Variants in CYP2A13 observed in about 807,000 individuals in gnomAD.
CYP2A13 encodes cytochrome P450 family 2 subfamily A member 13.
In CYP2A13, 30 loss-of-function variants were observed where a neutral mutation model predicts 39.4. The observed-to-expected ratio is 0.76, with a 90% CI of 0.57 to 1.03. The LOEUF (loss-of-function observed/expected upper bound fraction) is 1.03, where lower values mean the gene tolerates loss of function less well. Ranked by LOEUF, CYP2A13 falls within the 50% of genes least tolerant of loss-of-function variation. CYP2A13 has a pLI of 0.00. For synonymous variants in CYP2A13, 269 were observed against 254.7 expected, an observed-to-expected ratio of 1.06 and a Z score of -0.54; for missense variants, 731 against 648.4, an observed-to-expected ratio of 1.13 and a Z score of -1.38.
In CYP2A13 at chr19:41,090,530, G is replaced by T; in HGVS notation, c.620G>T (p.Gly207Val). The T allele has an allele frequency of 6.2e-7, 1 of 1,614,130 alleles. No homozygotes were observed. The highest frequency in any genetic ancestry group is 8.5e-7 in the Non-Finnish European group (1 of 1,180,004). The change falls in exon 4 of 9, where the codon GGA (glycine) becomes GTA (valine). Residue 207 changes from glycine to valine, a missense_variant. Gly to Val is a moderately radical substitution (Grantham distance 109). Transcript: ENST00000330436. ...CTGTCACTGTTGCGCATGATGCTGG[G>T]AAGCTTCCAGTTCACGGCAACCTCC... ...EFLSLLRMML[G>V]SFQFTATSTG...
At chr19:41,088,841 C>A in intron 1 of CYP2A13, 88 bp from the exon 2 acceptor site, 1 of 1,564,800 alleles carries the variant, frequency 6.4e-7, no homozygotes, top group Non-Finnish European at 8.7e-7. Context: ...AACCTGGGGG[C>A]GAAGCATCCC....
At position 41,092,312 on chromosome 19, in the gene CYP2A13, TAAAAAAAAAAA is replaced by T. The variant is rs529985444; in HGVS notation, c.831+425_831+435del. Among the ~76,000 whole-genome samples, 27 of 53,796 alleles carry T rather than the reference TAAAAAAAAAAA, an allele frequency of 5.0e-4. 1 individual carries two copies. Among genetic ancestry groups the T allele is most frequent in the East Asian group, 1.3e-3 (2 of 1,486 alleles). The allele number at this position is 53,796 out of a possible 152,430, so 35.3% of individuals were successfully genotyped here. A position where few individuals can be genotyped will look rare whatever the true frequency, so the allele number is the denominator to read the frequency against. On this transcript the variant is annotated intron_variant, in intron 5 of 8. Transcript: ENST00000330436. ...GCCTGAGTGACAGAGCAAGACCCTGTAAAAAAAAAAAAAAAAAAAAAAAAAAAAAAATCCTG... is the reference window on the plus strand; with the variant it reads ...GCCTGAGTGACAGAGCAAGACCCTGTAAAAAAAAAAAAAAAAAAAATCCTG...
rs559004728 is a variant in CYP2A13 at position 41,096,073 on chromosome 19, A to C, written c.*132A>C. The C allele has an allele frequency of 2.9e-4, 366 of 1,280,352 alleles. No homozygotes were observed. Among genetic ancestry groups the C allele is most frequent in the Admixed American group, 2.3e-3 (97 of 42,998 alleles). The allele number at this position is 1,280,352 out of a possible 1,614,324, so 79.3% of individuals were successfully genotyped here. A position where few individuals can be genotyped will look rare whatever the true frequency, so the allele number is the denominator to read the frequency against. ...AGGAAGGGGAGAGGTGGTTAGAGGG[A>C]ACAGAAGAAACAGAAGGGGCTCAGT... On this transcript the variant is annotated 3_prime_UTR_variant, in exon 9 of 9. Coordinates refer to ENST00000330436, the MANE Select transcript of CYP2A13 (RefSeq NM_000766.5).
rs753393303 is a variant in CYP2A13 at position 41,091,820 on chromosome 19, T to C, written c.743T>C (p.Ile248Thr). The C allele has an allele frequency of 6.2e-7, 1 of 1,614,164 alleles. No individual in the cohort carries two copies. The highest frequency in any genetic ancestry group is 1.7e-5 in the Admixed American group (1 of 60,024). Residue 248 changes from isoleucine (I) to threonine (T), a missense_variant, in exon 5 of 9, where the codon ATC (isoleucine) becomes ACC (threonine). Coordinates refer to ENST00000330436, the MANE Select transcript of CYP2A13 (RefSeq NM_000766.5). ...GAGCTGCAAGGGCTGGAGGACTTCATCGCCAAGAAGGTGGAGCACAACCAG... is the reference window on the plus strand; with the variant it reads ...GAGCTGCAAGGGCTGGAGGACTTCACCGCCAAGAAGGTGGAGCACAACCAG... ...FKELQGLEDF[I>T]AKKVEHNQRT...
intron 6 of CYP2A13, 134 bp downstream of exon 6, chr19:41,093,905 C>T: frequency 1.9e-6 from 2 of 1,078,780 alleles, no homozygotes; most frequent in Non-Finnish European, 2.7e-6. Flanking sequence ...GGACAATATT[C>T]AGCTGATAGG....
Position 41,088,637 on chromosome 19 carries a change from A to G in CYP2A13, c.166A>G (p.Asn56Asp), listed in dbSNP as rs2031093931. Residue 56 changes from asparagine (N) to aspartate (D), a missense_variant, in exon 1 of 9, where the codon AAC becomes GAC. Coordinates refer to ENST00000330436, the MANE Select transcript of CYP2A13 (RefSeq NM_000766.5). The stretch of plus-strand genomic sequence containing the variant: ...GCAGCTGAACACAGAGCAGATGTAC[A>G]ACTCCCTCATGAAGGTGTCCTAAGG... Reference protein sequence around the residue: ...YLQLNTEQMYNSLMKISERYG... With the variant: ...YLQLNTEQMYDSLMKISERYG... 2.5e-6 allele frequency: 4 copies of G among 1,613,760 alleles called. No individual in the cohort carries two copies. Among genetic ancestry groups the G allele is most frequent in the African/African-American group, 2.7e-5 (2 of 75,026 alleles).
intron 5 of CYP2A13, 127 bp downstream of exon 5, chr19:41,092,035 C>G (rs2031202267): frequency 1.6e-5 from 23 of 1,407,560 alleles, no homozygotes; most frequent in African/African-American, 4.3e-5. Flanking sequence ...TTACAATTGG[C>G]CAGGCGCGGT....
At position 41,091,769 on chromosome 19, in the gene CYP2A13, C is replaced by T; in HGVS notation, c.692C>T (p.Pro231Leu). 1 of 1,614,040 alleles carries T rather than the reference C, an allele frequency of 6.2e-7. No individual in the cohort carries two copies. The highest frequency in any genetic ancestry group is 8.5e-7 in the Non-Finnish European group (1 of 1,179,906). Reference protein sequence around the residue: ...EMFSSVMKHLPGPQQQAFKEL... With the variant: ...EMFSSVMKHLLGPQQQAFKEL... ...TTCTCTTCGGTGATGAAACACCTGC[C>T]AGGACCACAGCAACAGGCCTTTAAG... The change falls in exon 5 of 9, where the codon CCA (proline) becomes CTA (leucine). Residue 231 changes from proline to leucine, a missense_variant. By Grantham distance (98) the Pro-to-Leu change is moderately conservative (BLOSUM62 -3). Transcript: ENST00000330436.
intron 3 of CYP2A13, 75 bp from the exon 4 acceptor site, chr19:41,090,329 C>G: frequency 1.2e-6 from 2 of 1,604,104 alleles, no homozygotes; most frequent in Non-Finnish European, 1.7e-6. Context: ...AGGGCCCTGC[C>G]TCCTGGAATT....
chr19:41,091,896 C>T lies in CYP2A13; in HGVS notation c.819C>T (p.Ile273=). Reference sequence around the variant, plus strand: ...GGGACTTCATCGACTCCTTTCTCATCCGCATGCAGGAGGTACATCCCAGCA... The same window carrying T: ...GGGACTTCATCGACTCCTTTCTCATTCGCATGCAGGAGGTACATCCCAGCA... ...SPRDFIDSFL[I]RMQEEEKNPN... Residue 273 remains isoleucine, a synonymous_variant, in exon 5 of 9, where the codon ATC becomes ATT. Coordinates refer to ENST00000330436, the MANE Select transcript of CYP2A13 (RefSeq NM_000766.5). 1.2e-6 allele frequency: 2 copies of T among 1,614,226 alleles called. No homozygotes were observed. The highest frequency in any genetic ancestry group is 2.2e-5 in the South Asian group (2 of 91,080).
chr19:41,094,903 C>T (rs1645694), intron 7 of CYP2A13, 56 bp from the exon 8 acceptor site: 63,480 of 1,602,866 alleles, frequency 0.04, 5,707 homozygotes, highest in African/African-American at 0.35. Context: ...CCCCTGTGTA[C>T]TTTCACCAAT....
chr19:41,096,077 G>C lies in CYP2A13; in HGVS notation c.*136G>C. ...AGGGGAGAGGTGGTTAGAGGGAACA[G>C]AAGAAACAGAAGGGGCTCAGTTCAC... On this transcript the variant is annotated 3_prime_UTR_variant, in exon 9 of 9. Transcript: ENST00000330436. 1 of 1,296,440 alleles carries C rather than the reference G, an allele frequency of 7.7e-7. No homozygotes were observed. The highest frequency in any genetic ancestry group is 1.1e-6 in the Non-Finnish European group (1 of 942,908). 80.3% of individuals were successfully genotyped at this position (1,296,440 alleles called of 1,614,324 possible).
At chr19:41,094,769 GTCTCCCAAAC>G (rs1454424951) in intron 7 of CYP2A13, among the ~76,000 whole-genome samples, 180 bp from the exon 8 acceptor site, 2 of 151,960 alleles carry the variant, frequency 1.3e-5, no homozygotes, top group Non-Finnish European at 2.9e-5. Context: ...TGGACCCCAT[GTCTCCCAAAC>G]TTCCTGTTTC....
intron 4 of CYP2A13, 35 bp from the exon 5 acceptor site, chr19:41,091,697 G>C (rs531164019): frequency 6.2e-7 from 1 of 1,610,154 alleles, no homozygotes; most frequent in African/African-American, 1.3e-5. Flanking sequence ...CGTGACAGCT[G>C]TCCTTCCCTT....
At chr19:41,094,532 C>A in intron 7 of CYP2A13, 100 bp downstream of exon 7, 1 of 1,366,820 alleles carries the variant, frequency 7.3e-7, no homozygotes, top group Non-Finnish European at 1.0e-6. Flanking sequence ...TAGACTCTGT[C>A]CCACTCCCTC....
At chr19:41,092,944 A>G (rs1358253562) in intron 5 of CYP2A13, among the ~76,000 whole-genome samples, 2 of 152,236 alleles carry the variant, frequency 1.3e-5, no homozygotes, top group East Asian at 3.9e-4. Flanking sequence ...TCATCTTGCC[A>G]TCTCTGTACT....
At chr19:41,088,815 G>A (rs562298569) in intron 1 of CYP2A13, 114 bp from the exon 2 acceptor site, 2 of 1,549,522 alleles carry the variant, frequency 1.3e-6, no homozygotes, top group East Asian at 4.5e-5. Context: ...GGGATGTCCA[G>A]CTCCCTGACT....
intron 3 of CYP2A13, 43 bp downstream of exon 3, chr19:41,090,239 T>A: frequency 6.5e-7 from 1 of 1,547,926 alleles, no homozygotes; most frequent in Non-Finnish European, 8.7e-7. Context: ...ACCCGCGCTT[T>A]CTGCCTGGGG....
intron 8 of CYP2A13, among the ~76,000 whole-genome samples, chr19:41,095,369 A>G (rs139836899): frequency 6.6e-6 from 1 of 152,282 alleles, no homozygotes; most frequent in African/African-American, 2.4e-5. Context: ...AAAGGAGATA[A>G]TGGCACAGCA....
Sources: allele counts gnomAD v4.1 joint callset (sites outside exome capture counted in the v4.1 genomes callset), GRCh38; gene constraint gnomAD v4.1.1; transcripts MANE v1.5; gene names NCBI Gene and HGNC (gene_info 2026-07-23, HGNC 2026-07-21).